ZFAT: variants seen among roughly 807,000 people sequenced by gnomAD.
ZFAT encodes zinc finger and AT-hook domain containing, also known as zinc finger protein ZFAT.
In ZFAT, 64 loss-of-function variants were observed where a neutral mutation model predicts 117.7. The ratio of observed to expected loss-of-function variants is 0.54; its 90% CI spans 0.44 to 0.67. The LOEUF (loss-of-function observed/expected upper bound fraction) is 0.67. Ranked by LOEUF, ZFAT falls within the 30% of genes least tolerant of loss-of-function variation. The probability of loss-of-function intolerance (pLI) is 0.00; values close to 1 mark genes in which losing one functional copy is unlikely to be tolerated. For missense variants in ZFAT, 1,433 were observed against 1,584.5 expected, an observed-to-expected ratio of 0.90 and a Z score of 1.62; for synonymous variants, 679 against 615.0, an observed-to-expected ratio of 1.10 and a Z score of -1.54.
chr8:134,505,928 C>T (rs1464324489), intron 15 of ZFAT, among the ~76,000 whole-genome samples: 2 of 152,144 alleles, frequency 1.3e-5, no homozygotes, highest in African/African-American at 4.8e-5. Flanking sequence ...AGTGGTTGCT[C>T]AGTAAATGCC....
the ZFAT span, among the ~76,000 whole-genome samples, chr8:134,773,380 T>C: frequency 6.6e-6 from 1 of 152,210 alleles, no homozygotes; most frequent in African/African-American, 2.4e-5. Context: ...CTGCTGCTTG[T>C]TGACAATGCA....
At chr8:134,743,772 G>A in the ZFAT span, among the ~76,000 whole-genome samples, 1 of 152,140 alleles carries the variant, frequency 6.6e-6, no homozygotes, top group African/African-American at 2.4e-5. Context: ...CTGGGCACCA[G>A]CCTGCCCAGT....
chr8:134,488,057 G>A (rs1265913444), intron 15 of ZFAT, among the ~76,000 whole-genome samples: 1 of 152,226 alleles, frequency 6.6e-6, no homozygotes, highest in African/African-American at 2.4e-5. Flanking sequence ...GAGTTAGAGA[G>A]CGAATGAATG....
intron 9 of ZFAT, among the ~76,000 whole-genome samples, chr8:134,585,582 A>G (rs1281707108): frequency 6.6e-6 from 1 of 152,196 alleles, no homozygotes; most frequent in Admixed American, 6.5e-5. Context: ...AAGTATACAT[A>G]TTTCCATTAA....
At chr8:134,702,314 C>T (rs202169041) in intron 1 of ZFAT, among the ~76,000 whole-genome samples, 2 of 152,234 alleles carry the variant, frequency 1.3e-5, no homozygotes, top group East Asian at 3.8e-4. Flanking sequence ...TTCAGATAGA[C>T]ATAGGTTTCA....
chr8:134,727,470 A>T, the ZFAT span, among the ~76,000 whole-genome samples: 1 of 152,090 alleles, frequency 6.6e-6, no homozygotes, highest in East Asian at 1.9e-4. Context: ...ATCATTGAAG[A>T]CCCTGTCTCT....
At chr8:134,789,908 T>G in the ZFAT span, among the ~76,000 whole-genome samples, 4 of 152,186 alleles carry the variant, frequency 2.6e-5, no homozygotes, top group Non-Finnish European at 5.9e-5. Context: ...ACACATAACT[T>G]ATGTAAAGTC....
At chr8:134,563,594 G>C (rs781233195) in intron 11 of ZFAT, among the ~76,000 whole-genome samples, 8 of 152,330 alleles carry the variant, frequency 5.3e-5, no homozygotes, top group Non-Finnish European at 1.0e-4. Context: ...TCATCATGGT[G>C]ACTGAAGTCA....
chr8:134,773,961 G>A, the ZFAT span, among the ~76,000 whole-genome samples: 3 of 145,260 alleles, frequency 2.1e-5, no homozygotes, highest in Non-Finnish European at 1.5e-5. Flanking sequence ...GGTTAATAAA[G>A]TAGCAGTAGA....
intron 5 of ZFAT, among the ~76,000 whole-genome samples, chr8:134,606,296 G>GGCTCCAATGTCAAGAGTTGAGTTGT (rs1563667379): frequency 6.6e-6 from 1 of 152,164 alleles, no homozygotes; most frequent in Non-Finnish European, 1.5e-5. Context: ...AGATCTTGTT[G>GGCTCCAATGTCAAGAGTTGAGTTGT]GCTCCAATGT....
chr8:134,481,176 A>G (rs955766256), intron 15 of ZFAT, among the ~76,000 whole-genome samples: 7 of 152,206 alleles, frequency 4.6e-5, no homozygotes, highest in African/African-American at 1.4e-4. Context: ...AGAAGTAAAT[A>G]TTAATTTATT....
At chr8:134,592,490 T>A (rs894540746) in intron 7 of ZFAT, among the ~76,000 whole-genome samples, 8 of 152,196 alleles carry the variant, frequency 5.3e-5, no homozygotes, top group Admixed American at 2.0e-4. Context: ...TGTGGAACTT[T>A]GCGCAAATGA....
chr8:134,779,729 C>T, the ZFAT span, among the ~76,000 whole-genome samples: 1,486 of 152,266 alleles, frequency 9.8e-3, 9 homozygotes, highest in Middle Eastern at 0.017. Context: ...AACCATATTA[C>T]AGCATGTTAT....
chr8:134,533,056 C>T (rs1019058271), intron 11 of ZFAT, 84 bp from the exon 12 acceptor site: 2 of 1,523,106 alleles, frequency 1.3e-6, no homozygotes, highest in Non-Finnish European at 1.8e-6. Context: ...GAGCATCTGA[C>T]ACCCTGAAAG....
Position 134,602,142 on chromosome 8 carries a change from T to A in ZFAT, c.1577A>T (p.Gln526Leu). The change falls in exon 6 of 16, where the codon CAG becomes CTG. Residue 526 changes from glutamine (Q) to leucine (L), a missense_variant. By Grantham distance (113) the Gln-to-Leu change is moderately radical. Transcript: ENST00000377838. ...LQLVEEEFAL[Q>L]GVNALKEEAC... is the part of the protein sequence containing the mutation. Reference sequence around the variant, plus strand: ...CTCTTCCTTGAGTGCATTCACGCCCTGGAGGGCAAACTCCTCTTCCACCAG... The same window carrying A: ...CTCTTCCTTGAGTGCATTCACGCCCAGGAGGGCAAACTCCTCTTCCACCAG... The A allele has an allele frequency of 6.2e-7, 1 of 1,613,278 alleles. No individual in the cohort carries two copies. The highest frequency in any genetic ancestry group is 1.1e-5 in the South Asian group (1 of 90,998).
chr8:134,647,490 C>T (rs1445857825), intron 2 of ZFAT, among the ~76,000 whole-genome samples: 1 of 152,174 alleles, frequency 6.6e-6, no homozygotes, highest in African/African-American at 2.4e-5. Flanking sequence ...CCTACTCTCA[C>T]CACTTATATG....
At position 134,604,161 on chromosome 8, in the gene ZFAT, T is replaced by G. The variant is rs530190759; in HGVS notation, c.786-1228A>C. On this transcript the variant is annotated intron_variant, in intron 5 of 15. Transcript: ENST00000377838. ...TAACAGCTAATAATTATTGAGTATG[T>G]GTAGTATGATAAGCTCTATGCTAAG... Among the ~76,000 whole-genome samples, 62 of 152,310 alleles carry G rather than the reference T, an allele frequency of 4.1e-4. No individual in the cohort carries two copies. The South Asian group carries it at 5.2e-3, about 13-fold the overall frequency.
At chr8:134,821,565 A>G in the ZFAT span, among the ~76,000 whole-genome samples, 9 of 151,912 alleles carry the variant, frequency 5.9e-5, no homozygotes, top group South Asian at 1.9e-3. Context: ...AAAAAAAAAG[A>G]ATTTTTTCCC....
the ZFAT span, among the ~76,000 whole-genome samples, chr8:134,791,708 G>GT: frequency 2.6e-5 from 4 of 152,170 alleles, no homozygotes; most frequent in African/African-American, 7.2e-5. Flanking sequence ...AAGGTGAATT[G>GT]TAAGTACAAT....
Sources: gnomAD v4.1 joint callset for allele counts (sites outside exome capture counted in the v4.1 genomes callset) on GRCh38, gnomAD v4.1.1 for gene constraint, MANE v1.5 for transcripts, NCBI Gene and HGNC (gene_info 2026-07-23, HGNC 2026-07-21) for gene names.